The following LINGO2 variants were observed in gnomAD, a reference collection of about 807,000 sequenced individuals.
LINGO2 encodes the protein leucine rich repeat and Ig domain containing 2.
Under a neutral mutation model 30.6 loss-of-function variants are expected in LINGO2, and 14 were observed. That is an observed-to-expected ratio of 0.46 (90% CI 0.30 to 0.72). The LOEUF (loss-of-function observed/expected upper bound fraction) is 0.72, where lower values mean the gene tolerates loss of function less well. Among genes scored for constraint, LINGO2 ranks in the 30% least tolerant of loss-of-function variants. The probability of loss-of-function intolerance (pLI) is 0.07; values close to 1 mark genes in which losing one functional copy is unlikely to be tolerated. For missense variants in LINGO2, 729 were observed against 751.7 expected (o/e 0.97, Z 0.35); for synonymous variants, 317 against 288.5 (o/e 1.10, Z -1.00).
intron 1 of LINGO2, among the ~76,000 whole-genome samples, chr9:28,622,407 T>C (rs760781309): frequency 3.3e-5 from 5 of 152,016 alleles, no homozygotes; most frequent in Non-Finnish European, 5.9e-5. Flanking sequence ...TTGTTTGTTT[T>C]ATTTTTTTGG....
At chr9:28,663,122 C>T (rs1563901043) in intron 1 of LINGO2, among the ~76,000 whole-genome samples, 1 of 152,012 alleles carries the variant, frequency 6.6e-6, no homozygotes, top group East Asian at 1.9e-4. Flanking sequence ...TTCTTTTCTG[C>T]CGACAAGTAG....
At chr9:29,175,632 T>C in the LINGO2 span, among the ~76,000 whole-genome samples, 11 of 150,918 alleles carry the variant, frequency 7.3e-5, no homozygotes, top group African/African-American at 2.7e-4. Context: ...GTTCAAGCGA[T>C]TATCCTGTCT....
At chr9:28,648,320 T>A (rs930921619) in intron 1 of LINGO2, among the ~76,000 whole-genome samples, 1 of 152,164 alleles carries the variant, frequency 6.6e-6, no homozygotes, top group African/African-American at 2.4e-5. Flanking sequence ...TATTTTGACA[T>A]TAAATTTATA....
At chr9:28,433,264 T>G (rs1296057510) in intron 2 of LINGO2, among the ~76,000 whole-genome samples, 1 of 152,118 alleles carries the variant, frequency 6.6e-6, no homozygotes, top group African/African-American at 2.4e-5. Context: ...GTTATCCCTT[T>G]CCTACTCTCC....
intron 2 of LINGO2, among the ~76,000 whole-genome samples, chr9:28,408,912 G>A (rs1822632136): frequency 1.3e-5 from 2 of 151,852 alleles, no homozygotes; most frequent in African/African-American, 4.8e-5. Context: ...GCCCCACAGT[G>A]GTTTATGAAC....
the LINGO2 span, among the ~76,000 whole-genome samples, chr9:28,760,039 T>G: frequency 2.6e-5 from 4 of 152,076 alleles, no homozygotes; most frequent in African/African-American, 9.7e-5. Context: ...AGAAACTTAC[T>G]GTATAGACAA....
chr9:28,756,649 G>A, the LINGO2 span, among the ~76,000 whole-genome samples: 14 of 151,796 alleles, frequency 9.2e-5, no homozygotes, highest in Non-Finnish European at 1.6e-4. Context: ...AGAGGTGATT[G>A]GATCATAGGG....
At chr9:28,091,297 C>T (rs1402844302) in intron 4 of LINGO2, among the ~76,000 whole-genome samples, 4 of 152,306 alleles carry the variant, frequency 2.6e-5, no homozygotes, top group South Asian at 2.1e-4. Flanking sequence ...AGGCATCATG[C>T]TACCTGACTT....
intron 1 of LINGO2, among the ~76,000 whole-genome samples, chr9:28,640,417 T>C (rs1827515063): frequency 6.6e-6 from 1 of 152,116 alleles, no homozygotes; most frequent in Non-Finnish European, 1.5e-5. Flanking sequence ...GCAGAGTGTT[T>C]TCCAACTTGG....
intron 5 of LINGO2, among the ~76,000 whole-genome samples, chr9:27,994,568 A>G (rs1475922209): frequency 6.6e-6 from 1 of 152,156 alleles, no homozygotes; most frequent in Non-Finnish European, 1.5e-5. Context: ...AGGAACACCC[A>G]TTAAGAAGCC....
chr9:28,426,234 C>A, intron 2 of LINGO2, among the ~76,000 whole-genome samples: 1 of 151,958 alleles, frequency 6.6e-6, no homozygotes, highest in East Asian at 1.9e-4. Flanking sequence ...AATAGCACAT[C>A]CCCCTCCAAA....
chr9:28,280,988 T>C (rs2134126876), intron 4 of LINGO2, among the ~76,000 whole-genome samples: 2 of 152,296 alleles, frequency 1.3e-5, no homozygotes, highest in East Asian at 3.9e-4. Context: ...AGAAGCAATC[T>C]AATATTTATT....
At chr9:29,006,594 A>G in the LINGO2 span, among the ~76,000 whole-genome samples, 1 of 152,128 alleles carries the variant, frequency 6.6e-6, no homozygotes, top group African/African-American at 2.4e-5. Flanking sequence ...ATTCCGAACT[A>G]TTAAGGAACA....
the LINGO2 span, among the ~76,000 whole-genome samples, chr9:28,730,509 A>T: frequency 6.6e-6 from 1 of 152,224 alleles, no homozygotes; most frequent in Admixed American, 6.5e-5. Flanking sequence ...TAAAAGGATG[A>T]GAAGCAAAGC....
chr9:28,988,076 G>A, the LINGO2 span, among the ~76,000 whole-genome samples: 1 of 152,122 alleles, frequency 6.6e-6, no homozygotes, highest in Admixed American at 6.5e-5. Flanking sequence ...CAGTTCCAGT[G>A]TTTCCTTATT....
chr9:29,129,055 T>C, the LINGO2 span, among the ~76,000 whole-genome samples: 19 of 152,176 alleles, frequency 1.2e-4, no homozygotes, highest in Non-Finnish European at 2.6e-4. Context: ...TGAGATGTCA[T>C]TGTTTGGCAT....
intron 1 of LINGO2, among the ~76,000 whole-genome samples, chr9:28,504,505 C>T (rs1400756224): frequency 3.3e-5 from 5 of 151,748 alleles, no homozygotes; most frequent in Non-Finnish European, 7.4e-5. Flanking sequence ...CCCTACTGTG[C>T]TGTGTTTTCA....
At chr9:28,036,611 G>T (rs534702679) in intron 4 of LINGO2, among the ~76,000 whole-genome samples, 1 of 152,186 alleles carries the variant, frequency 6.6e-6, no homozygotes, top group Non-Finnish European at 1.5e-5. Flanking sequence ...GGAAATATGC[G>T]AAGAATGACA....
chr9:28,698,069 G>T, the LINGO2 span, among the ~76,000 whole-genome samples: 2 of 151,948 alleles, frequency 1.3e-5, no homozygotes, highest in Non-Finnish European at 2.9e-5. Flanking sequence ...ACTCAGAAAG[G>T]CACCTCATAA....
Sources: allele counts gnomAD v4.1 joint callset (sites outside exome capture counted in the v4.1 genomes callset), GRCh38; gene constraint gnomAD v4.1.1; transcripts MANE v1.5; gene names NCBI Gene and HGNC (gene_info 2026-07-23, HGNC 2026-07-21).